Variants in SKAP2 observed in about 807,000 individuals in gnomAD.
SKAP2 encodes the protein src kinase associated phosphoprotein 2.
Under a neutral mutation model 54.9 loss-of-function variants are expected in SKAP2, and 28 were observed. The observed-to-expected ratio is 0.51, with a 90% confidence interval of 0.38 to 0.70. The LOEUF (loss-of-function observed/expected upper bound fraction) is 0.70, where lower values mean the gene tolerates loss of function less well. Among genes scored for constraint, SKAP2 ranks in the 30% least tolerant of loss-of-function variants. The probability of loss-of-function intolerance (pLI) is 0.00; values close to 1 mark genes in which losing one functional copy is unlikely to be tolerated. For missense variants in SKAP2, 356 were observed against 424.1 expected, an observed-to-expected ratio of 0.84 and a Z score of 1.41; for synonymous variants, 137 against 134.3, an observed-to-expected ratio of 1.02 and a Z score of -0.14.
intron 9 of SKAP2, among the ~76,000 whole-genome samples, chr7:26,713,756 C>A (rs186442976): frequency 1.3e-5 from 2 of 152,002 alleles, no homozygotes; most frequent in African/African-American, 2.4e-5. Flanking sequence ...CCCGCCACCA[C>A]GCCCAGCTCA....
At chr7:26,809,250 C>T (rs1784088454) in intron 4 of SKAP2, among the ~76,000 whole-genome samples, 1 of 152,074 alleles carries the variant, frequency 6.6e-6, no homozygotes, top group African/African-American at 2.4e-5. Flanking sequence ...CTCATCTCTA[C>T]TAAACATACA....
At chr7:26,658,466 A>C in the SKAP2 span, among the ~76,000 whole-genome samples, 1 of 152,234 alleles carries the variant, frequency 6.6e-6, no homozygotes, top group South Asian at 2.1e-4. Flanking sequence ...AGACTCACAA[A>C]TGAATGCAGT....
chr7:26,854,906 T>C lies in SKAP2; in HGVS notation c.68-16A>G. 2 of 1,505,622 alleles carry C rather than the reference T, an allele frequency of 1.3e-6. No homozygotes were observed. The highest frequency in any genetic ancestry group is 2.3e-5 in the East Asian group (1 of 44,056). The allele number at this position is 1,505,622 out of a possible 1,614,324, so 93.3% of individuals were successfully genotyped here. A position where few individuals can be genotyped will look rare whatever the true frequency, so the allele number is the denominator to read the frequency against. The stretch of plus-strand genomic sequence containing the variant: ...GTTTCAACATCTAAACCATGCAATA[T>C]AAGAAACAGGATACAAATTATAAGA... On this transcript the variant is annotated splice_polypyrimidine_tract_variant and intron_variant, in intron 1 of 12. Coordinates refer to ENST00000345317, the MANE Select transcript of SKAP2 (RefSeq NM_003930.5).
intron 6 of SKAP2, among the ~76,000 whole-genome samples, chr7:26,732,697 C>A (rs576035619): frequency 6.6e-6 from 1 of 152,286 alleles, no homozygotes; most frequent in Admixed American, 6.5e-5. Context: ...AACTGACTAG[C>A]AAGATGTTCC....
At chr7:26,815,861 G>A (rs1446940317) in intron 4 of SKAP2, among the ~76,000 whole-genome samples, 1 of 152,028 alleles carries the variant, frequency 6.6e-6, no homozygotes, top group African/African-American at 2.4e-5. Context: ...TTCATCTTAA[G>A]CCCTAGTCAA....
chr7:26,757,312 C>T (rs1782817036), intron 4 of SKAP2, among the ~76,000 whole-genome samples: 1 of 152,148 alleles, frequency 6.6e-6, no homozygotes, highest in Non-Finnish European at 1.5e-5. Flanking sequence ...TTAGGTCTAA[C>T]ATTTAAGTCT....
intron 6 of SKAP2, among the ~76,000 whole-genome samples, chr7:26,734,573 T>C (rs1787884920): frequency 6.6e-6 from 1 of 152,178 alleles, no homozygotes; most frequent in Non-Finnish European, 1.5e-5. Context: ...CTGGGAAATT[T>C]ATAAACAATA....
intron 9 of SKAP2, among the ~76,000 whole-genome samples, chr7:26,724,415 T>C (rs376462424): frequency 1.3e-5 from 2 of 152,164 alleles, no homozygotes; most frequent in South Asian, 4.1e-4. Flanking sequence ...AGCTAGTCAA[T>C]GGTACAGCCA....
intron 4 of SKAP2, among the ~76,000 whole-genome samples, chr7:26,767,145 A>C (rs942770547): frequency 5.3e-5 from 8 of 152,180 alleles, no homozygotes; most frequent in African/African-American, 1.7e-4. Context: ...TCAATTTCAG[A>C]ATCTGTTATT....
intron 4 of SKAP2, among the ~76,000 whole-genome samples, chr7:26,741,575 TA>T (rs57017439): frequency 0.029 from 287 of 10,032 alleles, no homozygotes; most frequent in African/African-American, 0.066. Flanking sequence ...AATAAATAAA[TA>T]AATTAATAAA....
rs982512587 is a variant in SKAP2 at position 26,844,062 on chromosome 7, C to T, written c.275G>A (p.Arg92Gln). Residue 92 changes from arginine to glutamine, a missense_variant, in exon 4 of 13, where the codon CGA (arginine) becomes CAA (glutamine). Physicochemically the swap from Arg to Gln is conservative, Grantham distance 43. Coordinates refer to ENST00000345317, the MANE Select transcript of SKAP2 (RefSeq NM_003930.5). ...GGGGGCTTCATCGTCTTTATCATAT[C>T]GTTCTGAGGCTAATGAAATAGTGTC... ...PPDTISLASE[R>Q]YDKDDEAPSD... is the part of the protein sequence containing the mutation. 10 of 1,611,116 alleles carry T rather than the reference C, an allele frequency of 6.2e-6. No individual in the cohort carries two copies. The highest frequency in any genetic ancestry group is 1.3e-5 in the African/African-American group (1 of 74,592).
At chr7:26,753,760 GAGGTAC>G (rs1292124255) in intron 4 of SKAP2, among the ~76,000 whole-genome samples, 10 of 152,312 alleles carry the variant, frequency 6.6e-5, no homozygotes, top group Admixed American at 1.3e-4. Context: ...GATGGAGCAA[GAGGTAC>G]AGCTACAGTC....
At chr7:26,679,943 T>A (rs1396759065) in intron 11 of SKAP2, among the ~76,000 whole-genome samples, 1 of 152,240 alleles carries the variant, frequency 6.6e-6, no homozygotes, top group Non-Finnish European at 1.5e-5. Context: ...TTATTTTATA[T>A]TGGTGACCAC....
intron 1 of SKAP2, among the ~76,000 whole-genome samples, chr7:26,859,039 AG>A: frequency 6.6e-6 from 1 of 152,028 alleles, no homozygotes; most frequent in Non-Finnish European, 1.5e-5. Context: ...TGTATGGGGG[AG>A]GGGGAGGGCG....
intron 9 of SKAP2, among the ~76,000 whole-genome samples, chr7:26,692,196 G>A (rs1033936195): frequency 1.3e-5 from 2 of 152,068 alleles, no homozygotes; most frequent in South Asian, 2.1e-4. Context: ...AGGAATGAGG[G>A]GGGGGAAAAG....
At chr7:26,684,070 T>C (rs928221739) in intron 11 of SKAP2, among the ~76,000 whole-genome samples, 3 of 152,090 alleles carry the variant, frequency 2.0e-5, no homozygotes, top group Non-Finnish European at 2.9e-5. Context: ...AATAAGAAAC[T>C]TGACTTTTAG....
chr7:26,774,079 G>A (rs1008404030), intron 4 of SKAP2, among the ~76,000 whole-genome samples: 16 of 152,236 alleles, frequency 1.1e-4, no homozygotes, highest in African/African-American at 3.9e-4. Flanking sequence ...TCTGGAGGCC[G>A]AGGTGGGTGG....
chr7:26,753,626 C>T (rs75086967), intron 4 of SKAP2, among the ~76,000 whole-genome samples: 1 of 152,146 alleles, frequency 6.6e-6, no homozygotes, highest in African/African-American at 2.4e-5. Context: ...ACACCTTTCA[C>T]AGTAGTCTTG....
intron 9 of SKAP2, among the ~76,000 whole-genome samples, chr7:26,714,187 C>T (rs1049213923): frequency 2.6e-5 from 4 of 152,050 alleles, no homozygotes; most frequent in African/African-American, 4.8e-5. Flanking sequence ...AAGAGAAGCA[C>T]GATTAGGTTG....
Sources: allele counts gnomAD v4.1 joint callset (sites outside exome capture counted in the v4.1 genomes callset), GRCh38; gene constraint gnomAD v4.1.1; transcripts MANE v1.5; gene names NCBI Gene and HGNC (gene_info 2026-07-23, HGNC 2026-07-21).